The following IMPA2 variants were observed in gnomAD, a reference collection of about 807,000 sequenced individuals.
The protein encoded by IMPA2 is inositol monophosphatase 2, also known as IMP 2.
Under a neutral mutation model 35.1 loss-of-function variants are expected in IMPA2, and 32 were observed. That is an observed-to-expected ratio of 0.91 (90% CI 0.69 to 1.23). IMPA2 has a LOEUF of 1.23. IMPA2 is among the 50% of genes most tolerant of loss of function. IMPA2 has a pLI of 0.00. For synonymous variants in IMPA2, 135 were observed against 160.6 expected, an observed-to-expected ratio of 0.84 and a Z score of 1.20; for missense variants, 334 against 387.6, an observed-to-expected ratio of 0.86 and a Z score of 1.16.
intron 3 of IMPA2, among the ~76,000 whole-genome samples, 179 bp from the exon 4 acceptor site, chr18:12,011,991 A>C (rs1907445389): frequency 1.3e-5 from 2 of 152,246 alleles, no homozygotes; most frequent in South Asian, 4.1e-4. Context: ...CGACATGGTC[A>C]GTTTATTCTG....
At chr18:11,992,727 G>A (rs1161059752) in intron 1 of IMPA2, among the ~76,000 whole-genome samples, 8 of 152,132 alleles carry the variant, frequency 5.3e-5, no homozygotes, top group Non-Finnish European at 1.2e-4. Flanking sequence ...ACTCATTGCT[G>A]GTGGAGTGAG....
intron 2 of IMPA2, among the ~76,000 whole-genome samples, chr18:12,003,691 G>T (rs1225668969): frequency 1.4e-5 from 2 of 147,444 alleles, no homozygotes; most frequent in African/African-American, 5.0e-5. Context: ...AAAAAAGGCA[G>T]CATGGTAAGG....
At chr18:12,015,698 G>A (rs1047308760) in intron 5 of IMPA2, among the ~76,000 whole-genome samples, 3 of 152,244 alleles carry the variant, frequency 2.0e-5, no homozygotes, top group Admixed American at 6.5e-5. Flanking sequence ...CTCTGGCCCT[G>A]CCTCACCTTC....
In IMPA2 at chr18:12,005,069, G is replaced by A. The variant is rs554189253; in HGVS notation, c.231-4814G>A. ...AGTATTTTTGGTGCCTCCAAAGACC[G>A]AGCACGGTTCACGCCTCTGCTGGCC... On this transcript the variant is annotated intron_variant, in intron 2 of 7. Coordinates refer to ENST00000269159, the MANE Select transcript of IMPA2 (RefSeq NM_014214.3). Among the ~76,000 whole-genome samples the A allele has an allele frequency of 1.8e-4, 27 of 152,312 alleles. No individual in the cohort carries two copies. In the South Asian group the frequency reaches 4.6e-3, roughly 26 times the overall value.
intron 5 of IMPA2, among the ~76,000 whole-genome samples, chr18:12,014,579 A>G (rs897208423): frequency 6.6e-6 from 1 of 152,082 alleles, no homozygotes; most frequent in Non-Finnish European, 1.5e-5. Flanking sequence ...AGCTTTAAAT[A>G]ACCTCATTCT....
At chr18:12,020,543 T>G (rs975969529) in intron 5 of IMPA2, among the ~76,000 whole-genome samples, 3 of 152,188 alleles carry the variant, frequency 2.0e-5, no homozygotes, top group Non-Finnish European at 4.4e-5. Context: ...TTTTAATATT[T>G]TTTTTATTTC....
intron 2 of IMPA2, among the ~76,000 whole-genome samples, chr18:12,007,108 C>T (rs141142767): frequency 0.023 from 3,399 of 146,242 alleles, 45 homozygotes; most frequent in Non-Finnish European, 0.035. Context: ...CCAGCCTGGG[C>T]GACAGGGCGA....
chr18:12,019,401 C>T (rs558314831), intron 5 of IMPA2, among the ~76,000 whole-genome samples: 6 of 151,354 alleles, frequency 4.0e-5, no homozygotes, highest in East Asian at 1.9e-4. Flanking sequence ...ATTATAGGCA[C>T]GCACCCCATG....
intron 6 of IMPA2, chr18:12,028,455 TCAGA>T (rs1436625112): frequency 2.2e-6 from 1 of 448,020 alleles, no homozygotes; most frequent in Non-Finnish European, 4.0e-6. Flanking sequence ...GGGCCTGGCG[TCAGA>T]CAGGTTTATC....
chr18:11,982,665 G>C (rs1268583017), intron 1 of IMPA2, among the ~76,000 whole-genome samples: 1 of 152,082 alleles, frequency 6.6e-6, no homozygotes, highest in East Asian at 1.9e-4. Flanking sequence ...ATGGTGGCGC[G>C]TGCCTTAGTT....
intron 6 of IMPA2, 44 bp from the exon 7 acceptor site, chr18:12,028,798 G>A (rs1475905982): frequency 1.3e-6 from 2 of 1,593,946 alleles, no homozygotes; most frequent in Admixed American, 3.5e-5. Flanking sequence ...CCACAGAAAA[G>A]GCTCCACTCC....
intron 6 of IMPA2, 191 bp downstream of exon 6, chr18:12,028,342 G>A: frequency 3.5e-6 from 2 of 571,648 alleles, no homozygotes; most frequent in Admixed American, 3.0e-5. Context: ...CCAGGCCTCT[G>A]GAGATGCGTG....
At chr18:11,987,158 G>A (rs1274779375) in intron 1 of IMPA2, among the ~76,000 whole-genome samples, 1 of 152,130 alleles carries the variant, frequency 6.6e-6, no homozygotes, top group African/African-American at 2.4e-5. Flanking sequence ...GGCAAATGGG[G>A]TCCCACCGCA....
intron 2 of IMPA2, among the ~76,000 whole-genome samples, chr18:12,002,648 G>A (rs559191300): frequency 1.3e-5 from 2 of 151,592 alleles, no homozygotes; most frequent in African/African-American, 2.4e-5. Flanking sequence ...GCTGGTGCAC[G>A]CTTATGCTCC....
At chr18:12,029,576 C>T (rs1907989507) in intron 7 of IMPA2, among the ~76,000 whole-genome samples, 1 of 152,174 alleles carries the variant, frequency 6.6e-6, no homozygotes, top group African/African-American at 2.4e-5. Context: ...CACTCACCAC[C>T]ATGCCCAGCT....
chr18:12,016,735 A>G (rs1283404558), intron 5 of IMPA2, among the ~76,000 whole-genome samples: 1 of 152,126 alleles, frequency 6.6e-6, no homozygotes, highest in Non-Finnish European at 1.5e-5. Flanking sequence ...GCCACTTTCT[A>G]AGGTGACTAG....
intron 5 of IMPA2, among the ~76,000 whole-genome samples, chr18:12,026,472 T>C (rs1249914811): frequency 6.6e-6 from 1 of 152,232 alleles, no homozygotes; most frequent in Non-Finnish European, 1.5e-5. Flanking sequence ...AAAATACTAG[T>C]AATTTAATGA....
intron 5 of IMPA2, among the ~76,000 whole-genome samples, chr18:12,019,002 T>A (rs1036987450): frequency 3.3e-5 from 5 of 151,996 alleles, no homozygotes; most frequent in Non-Finnish European, 7.4e-5. Context: ...TTAAAAAATA[T>A]TTTTGTAGAG....
At chr18:12,022,745 T>C (rs1907769177) in intron 5 of IMPA2, among the ~76,000 whole-genome samples, 1 of 149,810 alleles carries the variant, frequency 6.7e-6, no homozygotes, top group Non-Finnish European at 1.5e-5. Flanking sequence ...CATTTTGCTT[T>C]TAGGTGGCAA....
Sources: gnomAD v4.1 joint callset for allele counts (sites outside exome capture counted in the v4.1 genomes callset) on GRCh38, gnomAD v4.1.1 for gene constraint, MANE v1.5 for transcripts, NCBI Gene and HGNC (gene_info 2026-07-23, HGNC 2026-07-21) for gene names.